The following WDR59 variants were observed in gnomAD, a reference collection of about 807,000 sequenced individuals.
The protein encoded by WDR59 is GATOR2 complex protein WDR59.
In WDR59, 100 loss-of-function variants were observed where a neutral mutation model predicts 131.2. The ratio of observed to expected loss-of-function variants is 0.76; its 90% confidence interval spans 0.65 to 0.90. The LOEUF (loss-of-function observed/expected upper bound fraction) is 0.90, where lower values mean the gene tolerates loss of function less well. Ranked by LOEUF, WDR59 falls within the 40% of genes least tolerant of loss-of-function variation. The pLI, the probability that WDR59 is intolerant of heterozygous loss-of-function variation, is 0.00. For missense variants in WDR59, 1,203 were observed against 1,262.2 expected (o/e 0.95, Z 0.71); for synonymous variants, 601 against 466.2 (o/e 1.29, Z -3.72).
chr16:74,895,145 T>C (rs183296603), intron 18 of WDR59, among the ~76,000 whole-genome samples: 4 of 152,366 alleles, frequency 2.6e-5, no homozygotes, highest in Non-Finnish European at 4.4e-5. Context: ...TCAGGACATG[T>C]GGAGTTAGTT....
At chr16:74,894,098 C>T (rs1304550378) in intron 18 of WDR59, among the ~76,000 whole-genome samples, 1 of 152,134 alleles carries the variant, frequency 6.6e-6, no homozygotes, top group Non-Finnish European at 1.5e-5. Flanking sequence ...AATTTGAAAA[C>T]AGCAAGTAAA....
chr16:74,897,708 A>C (rs1165860176), intron 18 of WDR59, among the ~76,000 whole-genome samples: 1 of 152,198 alleles, frequency 6.6e-6, no homozygotes, highest in African/African-American at 2.4e-5. Flanking sequence ...CAAACTGTAA[A>C]AGCAATTACG....
intron 8 of WDR59, among the ~76,000 whole-genome samples, chr16:74,932,587 C>A (rs575247129): frequency 6.6e-6 from 1 of 152,272 alleles, no homozygotes; most frequent in Admixed American, 6.5e-5. Context: ...CTCCTCGGCT[C>A]CAACAATCCT....
intron 2 of WDR59, chr16:74,959,602 G>GAA: frequency 2.4e-6 from 1 of 421,108 alleles, no homozygotes; most frequent in Non-Finnish European, 4.7e-6. Flanking sequence ...TCTGCATAAA[G>GAA]AAAAAAAAAT....
rs993310259 is a variant in WDR59 at position 74,954,262 on chromosome 16, G to A, written c.240+2213C>T. ...TGTCTCTACTAAAAATACAAAATTA[G>A]CCAGGCGTGATCATGTGTGCTTGTA... is the stretch of plus-strand genomic sequence containing the variant. On this transcript the variant is annotated intron_variant, in intron 3 of 25. Transcript: ENST00000262144. Among the ~76,000 whole-genome samples the A allele has an allele frequency of 2.0e-5, 3 of 151,948 alleles. No individual in the cohort carries two copies. The South Asian group carries it at 6.2e-4, about 32-fold the overall frequency.
At chr16:74,886,219 A>G (rs1214837964) in intron 24 of WDR59, 51 bp downstream of exon 24, 1 of 1,396,284 alleles carries the variant, frequency 7.2e-7, no homozygotes, top group Non-Finnish European at 9.9e-7. Flanking sequence ...GAGAAACTGG[A>G]GTCCTGCCTG....
intron 2 of WDR59, among the ~76,000 whole-genome samples, chr16:74,959,915 C>T (rs1204895402): frequency 2.7e-5 from 4 of 149,206 alleles, no homozygotes; most frequent in East Asian, 1.9e-4. Flanking sequence ...AATCTTGGAA[C>T]CAATATTTTC....
At chr16:74,944,253 G>A (rs1174515593) in intron 6 of WDR59, among the ~76,000 whole-genome samples, 1 of 152,074 alleles carries the variant, frequency 6.6e-6, no homozygotes, top group African/African-American at 2.4e-5. Context: ...ATTACCTGAG[G>A]TCAGCAGTTC....
At chr16:74,926,962 C>T (rs572666786) in intron 8 of WDR59, among the ~76,000 whole-genome samples, 101 of 152,272 alleles carry the variant, frequency 6.6e-4, no homozygotes, top group South Asian at 6.6e-3. Flanking sequence ...ATCTTAGAAG[C>T]TGTTCCTCTA....
chr16:74,940,272 G>C (rs747213982), intron 7 of WDR59, among the ~76,000 whole-genome samples: 1 of 151,612 alleles, frequency 6.6e-6, no homozygotes, highest in Non-Finnish European at 1.5e-5. Context: ...CCAGCTACTC[G>C]GGAGGCTGAG....
At chr16:74,917,461 C>G (rs912241853) in intron 11 of WDR59, among the ~76,000 whole-genome samples, 3 of 152,132 alleles carry the variant, frequency 2.0e-5, no homozygotes, top group African/African-American at 7.2e-5. Flanking sequence ...TTAAAGACCT[C>G]AAAGCCTTGG....
At chr16:74,943,681 T>G (rs1277909640) in intron 6 of WDR59, among the ~76,000 whole-genome samples, 1 of 152,120 alleles carries the variant, frequency 6.6e-6, no homozygotes. Flanking sequence ...ACAGCACACA[T>G]GACATTACTG....
At chr16:74,900,139 G>A (rs1965479674) in intron 18 of WDR59, among the ~76,000 whole-genome samples, 1 of 152,232 alleles carries the variant, frequency 6.6e-6, no homozygotes, top group South Asian at 2.1e-4. Context: ...TCCCCTGTAG[G>A]AGGTAAGAAG....
chr16:74,953,611 T>C (rs1470755313), intron 3 of WDR59, among the ~76,000 whole-genome samples: 1 of 152,060 alleles, frequency 6.6e-6, no homozygotes, highest in Non-Finnish European at 1.5e-5. Context: ...GAAGAAAACA[T>C]TTGCAAATCA....
rs149863389 is a variant in WDR59 at position 74,888,836 on chromosome 16, C to T, written c.2196-517G>A. 5.1e-4 allele frequency among the ~76,000 whole-genome samples: 78 copies of T among 152,176 alleles called. 2 individuals carry two copies. Among genetic ancestry groups the T allele is most frequent in the Non-Finnish European group, 1.2e-4 (8 of 68,032 alleles). ...ATGAAGATGAGCTATTAGGTAAGAA[C>T]AACAAGGAGTGTTTCTGTCCTTTAG... On this transcript the variant is annotated intron_variant, in intron 21 of 25. Coordinates refer to ENST00000262144, the MANE Select transcript of WDR59 (RefSeq NM_030581.4).
At chr16:74,894,005 A>T (rs1421521187) in intron 18 of WDR59, 193 bp from the exon 19 acceptor site, 10 of 583,384 alleles carry the variant, frequency 1.7e-5, no homozygotes, top group Non-Finnish European at 2.9e-5. Flanking sequence ...ACAGGAAAAT[A>T]AGCACCTACT....
chr16:74,975,373 A>T (rs553750964), intron 1 of WDR59, among the ~76,000 whole-genome samples: 1 of 151,898 alleles, frequency 6.6e-6, no homozygotes, highest in African/African-American at 2.4e-5. Flanking sequence ...AACAACAAAA[A>T]AAAACAAGGC....
At chr16:74,964,295 C>T (rs928347333) in intron 2 of WDR59, among the ~76,000 whole-genome samples, 1 of 150,798 alleles carries the variant, frequency 6.6e-6, no homozygotes, top group South Asian at 2.1e-4. Context: ...AGGAGAATCA[C>T]TTGAAACCGG....
chr16:74,948,267 T>C (rs1458927034), intron 6 of WDR59, among the ~76,000 whole-genome samples: 3 of 152,252 alleles, frequency 2.0e-5, no homozygotes, highest in Non-Finnish European at 2.9e-5. Flanking sequence ...TCATCTTGGC[T>C]CTTGTCCTTG....
Sources: gnomAD v4.1 joint callset for allele counts (sites outside exome capture counted in the v4.1 genomes callset) on GRCh38, gnomAD v4.1.1 for gene constraint, MANE v1.5 for transcripts, NCBI Gene and HGNC (gene_info 2026-07-23, HGNC 2026-07-21) for gene names.